TULP3: variants seen among roughly 807,000 people sequenced by gnomAD.
The protein encoded by TULP3 is tubby-related protein 3.
TULP3 carries 38 observed loss-of-function variants against 50.7 expected under a neutral mutation model. The ratio of observed to expected loss-of-function variants is 0.75; its 90% CI spans 0.58 to 0.98. TULP3 has a LOEUF of 0.98. Ranked by LOEUF, TULP3 falls within the 50% of genes least tolerant of loss-of-function variation. The probability of loss-of-function intolerance (pLI) is 0.00; values close to 1 mark genes in which losing one functional copy is unlikely to be tolerated. For synonymous variants in TULP3, 183 were observed against 196.6 expected (o/e 0.93, Z 0.58); for missense variants, 550 against 568.0 (o/e 0.97, Z 0.32).
chr12:2,940,272 C>T lies in TULP3; in HGVS notation c.*828C>T. On this transcript the variant is annotated 3_prime_UTR_variant, in exon 11 of 11. Coordinates refer to ENST00000448120, the MANE Select transcript of TULP3 (RefSeq NM_003324.5). ...CACACCTGTAGGCATCCTGTGCAAA[C>T]ACTTTGTCATTATCAAGAGAGATGG... The T allele has an allele frequency of 7.1e-7, 1 of 1,401,458 alleles. No individual in the cohort carries two copies. Among genetic ancestry groups the T allele is most frequent in the Non-Finnish European group, 9.4e-7 (1 of 1,064,604 alleles). The allele number at this position is 1,401,458 out of a possible 1,614,324, so 86.8% of individuals were successfully genotyped here.
intron 2 of TULP3, among the ~76,000 whole-genome samples, chr12:2,913,256 TTA>T (rs2098186735): frequency 6.6e-6 from 1 of 151,428 alleles, no homozygotes; most frequent in Admixed American, 6.6e-5. Context: ...TTATTTTTTT[TTA>T]TTTTTTTGAG....
Position 2,930,253 on chromosome 12 carries a change from T to G in TULP3, c.400T>G (p.Ser134Ala), listed in dbSNP as rs2098197149. The stretch of plus-strand genomic sequence containing the variant: ...AGTTCTTCCTTTTCTGCTAGATATC[T>G]CTGAAAGTGTGAACTTCGATGAGGA... ...LQERLQKHDI[S>A]ESVNFDEETD... is the part of the protein sequence containing the mutation. The change falls in exon 5 of 11, where the codon TCT becomes GCT. Residue 134 changes from serine to alanine, a missense_variant. Transcript: ENST00000448120. 1.2e-6 allele frequency: 2 copies of G among 1,610,800 alleles called. No individual in the cohort carries two copies. The highest frequency in any genetic ancestry group is 1.7e-6 in the Non-Finnish European group (2 of 1,178,086).
At chr12:2,927,958 C>G (rs1461308901) in intron 4 of TULP3, among the ~76,000 whole-genome samples, 1 of 152,124 alleles carries the variant, frequency 6.6e-6, no homozygotes, top group African/African-American at 2.4e-5. Context: ...TGTACTCCCA[C>G]ATATAAATCT....
intron 1 of TULP3, among the ~76,000 whole-genome samples, chr12:2,892,790 G>A (rs1455954422): frequency 2.0e-5 from 3 of 151,992 alleles, no homozygotes; most frequent in East Asian, 1.9e-4. Flanking sequence ...GATTACAGGC[G>A]TGAGCCACTG....
chr12:2,910,030 C>T (rs564274154), intron 2 of TULP3, among the ~76,000 whole-genome samples: 8 of 152,310 alleles, frequency 5.3e-5, no homozygotes, highest in South Asian at 2.1e-4. Context: ...CAGTGGCTCA[C>T]GCCTGTCATC....
intron 2 of TULP3, among the ~76,000 whole-genome samples, chr12:2,912,599 A>G (rs551491703): frequency 6.6e-6 from 1 of 152,346 alleles, no homozygotes; most frequent in South Asian, 2.1e-4. Flanking sequence ...AGAAACAGCT[A>G]AAAGCAACCA....
intron 1 of TULP3, among the ~76,000 whole-genome samples, chr12:2,901,808 T>A (rs1245591204): frequency 1.3e-5 from 2 of 152,208 alleles, no homozygotes; most frequent in Non-Finnish European, 2.9e-5. Context: ...CTAATTTTCA[T>A]AACAGTATCT....
In TULP3 at chr12:2,939,217, CA is replaced by C; in HGVS notation, c.1196-90del. ...CTAGGCTCCAGCCAGGGCGACAGAG[CA>C]AAACCCCATCTAAGAAAAGGAAGAA... On this transcript the variant is annotated intron_variant, in intron 10 of 10. Coordinates refer to ENST00000448120, the MANE Select transcript of TULP3 (RefSeq NM_003324.5). The surrounding 1 kb of genome is among the most constrained non-coding windows in gnomAD (Gnocchi z 4.0). 5 of 1,426,276 alleles carry C rather than the reference CA, an allele frequency of 3.5e-6. No homozygotes were observed. The highest frequency in any genetic ancestry group is 2.8e-5 in the African/African-American group (2 of 71,372). The allele number at this position is 1,426,276 out of a possible 1,614,324, so 88.4% of individuals were successfully genotyped here.
At chr12:2,906,630 A>G (rs1335921842) in intron 1 of TULP3, among the ~76,000 whole-genome samples, 1 of 150,880 alleles carries the variant, frequency 6.6e-6, no homozygotes, top group East Asian at 2.0e-4. Flanking sequence ...CGTCTGGCCT[A>G]ATTTTTTTTA....
At chr12:2,893,558 G>A (rs1272097896) in intron 1 of TULP3, among the ~76,000 whole-genome samples, 1 of 150,904 alleles carries the variant, frequency 6.6e-6, no homozygotes, top group Non-Finnish European at 1.5e-5. Context: ...CGACCTCAGG[G>A]GATTCGCCCG....
At position 2,939,545 on chromosome 12, in the gene TULP3, T is replaced by C. The variant is rs2098203461; in HGVS notation, c.*101T>C. 6.6e-7 allele frequency: 1 copy of C among 1,525,854 alleles called. No individual in the cohort carries two copies. The highest frequency in any genetic ancestry group is 8.7e-7 in the Non-Finnish European group (1 of 1,144,176). The allele number at this position is 1,525,854 out of a possible 1,614,324, so 94.5% of individuals were successfully genotyped here. On this transcript the variant is annotated 3_prime_UTR_variant, in exon 11 of 11. Transcript: ENST00000448120. This position sits in a 1 kb window ranked among gnomAD's most constrained non-coding sequence, Gnocchi z 4.0. Reference sequence around the variant, plus strand: ...GCCCCAGGACTTAAAGAGCAATAGTTTGCCCCTTTTGGAATGATCTCTGAA... The same window carrying C: ...GCCCCAGGACTTAAAGAGCAATAGTCTGCCCCTTTTGGAATGATCTCTGAA...
At chr12:2,913,020 G>A (rs763079514) in intron 2 of TULP3, among the ~76,000 whole-genome samples, 11 of 150,578 alleles carry the variant, frequency 7.3e-5, no homozygotes, top group Non-Finnish European at 1.3e-4. Flanking sequence ...TCGCCAGGCT[G>A]GAGTGCAGTG....
chr12:2,907,613 A>G (rs1043157996), intron 1 of TULP3, among the ~76,000 whole-genome samples: 15 of 151,498 alleles, frequency 9.9e-5, no homozygotes, highest in East Asian at 5.8e-4. Context: ...AAGCCACTGC[A>G]CTCCAGCTTG....
At chr12:2,901,126 CT>C (rs1009997949) in intron 1 of TULP3, among the ~76,000 whole-genome samples, 1 of 150,840 alleles carries the variant, frequency 6.6e-6, no homozygotes. Context: ...CCCCCCACCT[CT>C]TTTTTTTGAG....
chr12:2,891,953 G>T (rs1459551312), intron 1 of TULP3, among the ~76,000 whole-genome samples: 1 of 151,980 alleles, frequency 6.6e-6, no homozygotes, highest in Non-Finnish European at 1.5e-5. Flanking sequence ...GGACACGGTG[G>T]TGCGCGCCTG....
In TULP3 at chr12:2,921,011, A is replaced by C. The variant is rs1490316686; in HGVS notation, c.253+89A>C. The C allele has an allele frequency of 3.9e-5, 58 of 1,483,176 alleles. No homozygotes were observed. The South Asian group carries it at 6.8e-4, about 17-fold the overall frequency. 91.9% of individuals were successfully genotyped at this position (1,483,176 alleles called of 1,614,324 possible). ...GGATTGTCAGACGGACCAAAGGGAC[A>C]ATATTATTAGCACCATTACTAGGTA... is the stretch of plus-strand genomic sequence containing the variant. On this transcript the variant is annotated intron_variant, in intron 3 of 10. Transcript: ENST00000448120.
At chr12:2,914,201 T>A (rs2098187337) in intron 2 of TULP3, among the ~76,000 whole-genome samples, 1 of 148,840 alleles carries the variant, frequency 6.7e-6, no homozygotes, top group South Asian at 2.1e-4. Flanking sequence ...CTTGGCTCAC[T>A]GCAACCTCTG....
intron 1 of TULP3, among the ~76,000 whole-genome samples, chr12:2,906,375 G>C (rs1381077368): frequency 2.0e-5 from 3 of 149,900 alleles, no homozygotes; most frequent in Non-Finnish European, 4.4e-5. Flanking sequence ...ATCCTGGCTA[G>C]AGTGGTGCAG....
chr12:2,899,689 C>T (rs987465692), intron 1 of TULP3, among the ~76,000 whole-genome samples: 25 of 151,772 alleles, frequency 1.6e-4, no homozygotes, highest in Non-Finnish European at 3.1e-4. Flanking sequence ...GTCAGAAGTT[C>T]GAGACCATCC....
Sources: gnomAD v4.1 joint callset for allele counts (sites outside exome capture counted in the v4.1 genomes callset) on GRCh38, gnomAD v4.1.1 for gene constraint, Gnocchi (gnomAD v3.1) non-coding constraint, MANE v1.5 for transcripts, NCBI Gene and HGNC (gene_info 2026-07-23, HGNC 2026-07-21) for gene names.